Variants in GNB1 observed in about 807,000 individuals in gnomAD.
GNB1 encodes guanine nucleotide-binding protein G(I)/G(S)/G(T) subunit beta-1.
Under a neutral mutation model 42.9 loss-of-function variants are expected in GNB1, and 2 were observed. The ratio of observed to expected loss-of-function variants is 0.05; its 90% CI spans 0.02 to 0.15. The LOEUF (loss-of-function observed/expected upper bound fraction) is 0.15, where lower values mean the gene tolerates loss of function less well. Ranked by LOEUF, GNB1 falls within the 10% of genes least tolerant of loss-of-function variation. The pLI, the probability that GNB1 is intolerant of heterozygous loss-of-function variation, is 1.00. For missense variants in GNB1, 193 were observed against 462.2 expected, an observed-to-expected ratio of 0.42 and a Z score of 5.34; for synonymous variants, 183 against 174.7, an observed-to-expected ratio of 1.05 and a Z score of -0.38.
At position 1,787,259 on chromosome 1, in the gene GNB1, A is replaced by C. The variant is rs1646418821; in HGVS notation, c.*9+63T>G. 1.2e-6 allele frequency: 1 copy of C among 836,322 alleles called. No homozygotes were observed. Among genetic ancestry groups the C allele is most frequent in the Non-Finnish European group, 2.0e-6 (1 of 497,618 alleles). The allele number at this position is 836,322 out of a possible 1,614,324, so 51.8% of individuals were successfully genotyped here. ...TCTAGAAACCGTTAATGACAACTTC[A>C]AATGTTCTATGAGAAACACGCACAG... is the stretch of plus-strand genomic sequence containing the variant. On this transcript the variant is annotated intron_variant, in intron 11 of 11. Coordinates refer to ENST00000378609, the MANE Select transcript of GNB1 (RefSeq NM_002074.5). This position sits in a 1 kb window ranked among gnomAD's most constrained non-coding sequence, Gnocchi z 4.4.
At position 1,891,023 on chromosome 1, in the gene GNB1, G is replaced by GCCGCCGCCGCCT. The variant is rs1255145323; in HGVS notation, c.-311_-300dup. The GCCGCCGCCGCCT allele has an allele frequency of 6.5e-6, 1 of 153,852 alleles. No individual in the cohort carries two copies. Among genetic ancestry groups the GCCGCCGCCGCCT allele is most frequent in the Non-Finnish European group, 1.4e-5 (1 of 70,484 alleles). 9.5% of individuals were successfully genotyped at this position (153,852 alleles called of 1,614,324 possible). A position where few individuals can be genotyped will look rare whatever the true frequency, so the allele number is the denominator to read the frequency against. On this transcript the variant is annotated 5_prime_UTR_variant, in exon 1 of 12. Coordinates refer to ENST00000378609, the MANE Select transcript of GNB1 (RefSeq NM_002074.5). ...GCCGCCCGCTCCCGCTCCCGCCGCC[G>GCCGCCGCCGCCT]CCGCCGCCGCCTCCGTCCGCCCCTC... is the stretch of plus-strand genomic sequence containing the variant.
chr1:1,828,795 A>C (rs1647033732), intron 2 of GNB1, among the ~76,000 whole-genome samples: 1 of 152,060 alleles, frequency 6.6e-6, no homozygotes, highest in South Asian at 2.1e-4. Context: ...TAATCCCAAC[A>C]CTTTAGGAGG....
intron 5 of GNB1, among the ~76,000 whole-genome samples, chr1:1,813,648 A>C (rs1023111843): frequency 2.6e-5 from 4 of 151,682 alleles, no homozygotes; most frequent in Admixed American, 1.3e-4. Flanking sequence ...GCACCACAAC[A>C]ACCAACTTAT....
chr1:1,812,721 C>G lies in GNB1; in HGVS notation c.203+3035G>C, dbSNP rs146408974. Among the ~76,000 whole-genome samples, 1,272 of 152,282 alleles carry G rather than the reference C, an allele frequency of 8.4e-3. 9 individuals carry two copies. The highest frequency in any genetic ancestry group is 0.013 in the Admixed American group (193 of 15,290). On this transcript the variant is annotated intron_variant, in intron 5 of 11. Transcript: ENST00000378609. Reference sequence around the variant, plus strand: ...TGCACTTGGTCCTGTTTTGTCAGCCCTTGCTTTTCTTCCTTCTAATCCTGG... The same window carrying G: ...TGCACTTGGTCCTGTTTTGTCAGCCGTTGCTTTTCTTCCTTCTAATCCTGG...
intron 1 of GNB1, among the ~76,000 whole-genome samples, chr1:1,865,278 A>AAAAAAAAAC (rs1553204387): frequency 1.5e-3 from 195 of 127,396 alleles, no homozygotes; most frequent in Non-Finnish European, 2.1e-3. Context: ...CAAAAAAAAA[A>AAAAAAAAAC]CAAAAAAAAA....
intron 1 of GNB1, among the ~76,000 whole-genome samples, chr1:1,841,096 T>C (rs940499231): frequency 7.9e-5 from 12 of 152,144 alleles, no homozygotes; most frequent in Admixed American, 7.9e-4. Context: ...TTCACCATAT[T>C]GGTCAGTATG....
chr1:1,840,258 G>A (rs1388007226), intron 1 of GNB1, among the ~76,000 whole-genome samples: 5 of 150,916 alleles, frequency 3.3e-5, no homozygotes, highest in Non-Finnish European at 7.4e-5. Flanking sequence ...GCTAGGTACC[G>A]TGGCTCCTGC....
At position 1,793,135 on chromosome 1, in the gene GNB1, A is replaced by G. The variant is rs1212535296; in HGVS notation, c.497+110T>C. ...TTTAAATCTTAAGGCCACTTAAATT[A>G]CAGATGGCCTAATATTATGTCAAGA... is the stretch of plus-strand genomic sequence containing the variant. On this transcript the variant is annotated intron_variant, in intron 8 of 11. Coordinates refer to ENST00000378609, the MANE Select transcript of GNB1 (RefSeq NM_002074.5). The G allele has an allele frequency of 5.2e-6, 3 of 582,176 alleles. No homozygotes were observed. In the East Asian group the frequency reaches 8.6e-5, roughly 17 times the overall value. The allele number at this position is 582,176 out of a possible 1,614,324, so 36.1% of individuals were successfully genotyped here.
intron 1 of GNB1, among the ~76,000 whole-genome samples, chr1:1,869,077 C>A (rs1224716758): frequency 7.0e-6 from 1 of 143,028 alleles, no homozygotes; most frequent in African/African-American, 2.6e-5. Context: ...TCCCAGCTAC[C>A]TGGGAGGCTG....
intron 9 of GNB1, among the ~76,000 whole-genome samples, chr1:1,789,924 G>C (rs1646459954): frequency 6.6e-6 from 1 of 152,190 alleles, no homozygotes; most frequent in South Asian, 2.1e-4. Flanking sequence ...GAGGAAGGAG[G>C]GAAGCGGGCT....
chr1:1,881,456 C>T (rs892667552), intron 1 of GNB1, among the ~76,000 whole-genome samples: 3 of 151,894 alleles, frequency 2.0e-5, no homozygotes, highest in Non-Finnish European at 4.4e-5. Flanking sequence ...CACTGTCACC[C>T]AGGCTAGGGT....
Position 1,890,930 on chromosome 1 carries a change from G to T in GNB1, c.-206C>A, listed in dbSNP as rs1650475282. ...CGCTCCGCGGGCGCTGCGGGCAGGT[G>T]CGCGCCGGCGAGGCTCGGTCCAGTC... On this transcript the variant is annotated 5_prime_UTR_variant, in exon 1 of 12. Transcript: ENST00000378609. 1 of 147,176 alleles carries T rather than the reference G, an allele frequency of 6.8e-6. No homozygotes were observed. The highest frequency in any genetic ancestry group is 2.5e-5 in the African/African-American group (1 of 40,804). The allele number at this position is 147,176 out of a possible 1,614,324, so 9.1% of individuals were successfully genotyped here. A position where few individuals can be genotyped will look rare whatever the true frequency, so the allele number is the denominator to read the frequency against.
Position 1,815,809 on chromosome 1 carries a change from T to C in GNB1, c.150A>G (p.Thr50=). 6.2e-7 allele frequency: 1 copy of C among 1,611,546 alleles called. No homozygotes were observed. The highest frequency in any genetic ancestry group is 8.5e-7 in the Non-Finnish European group (1 of 1,177,822). Residue 50 remains threonine, a synonymous_variant, in exon 5 of 12, where the codon ACA becomes ACG. Coordinates refer to ENST00000378609, the MANE Select transcript of GNB1 (RefSeq NM_002074.5). The part of the protein sequence containing the change: ...VGRIQMRTRR[T]LRGHLAKIYA... Reference sequence around the variant, plus strand: ...AGATCTTGGCCAGGTGCCCCCGCAGTGTCCTCCTCGTGCGCATTTGGATTC... The same window carrying C: ...AGATCTTGGCCAGGTGCCCCCGCAGCGTCCTCCTCGTGCGCATTTGGATTC...
At chr1:1,850,182 G>C (rs1236938813) in intron 1 of GNB1, among the ~76,000 whole-genome samples, 1 of 151,694 alleles carries the variant, frequency 6.6e-6, no homozygotes, top group Non-Finnish European at 1.5e-5. Flanking sequence ...CCAGGCTGGA[G>C]TGCAATGGCG....
At chr1:1,845,912 C>A (rs1320813160) in intron 1 of GNB1, among the ~76,000 whole-genome samples, 1 of 151,360 alleles carries the variant, frequency 6.6e-6, no homozygotes, top group Admixed American at 6.6e-5. Context: ...GGTCTGGAAG[C>A]AACGACCTCT....
chr1:1,812,797 C>T (rs1490061211), intron 5 of GNB1, among the ~76,000 whole-genome samples: 1 of 152,018 alleles, frequency 6.6e-6, no homozygotes, highest in Admixed American at 6.6e-5. Flanking sequence ...TAAAGCCTCC[C>T]ATGCAAGGAT....
intron 1 of GNB1, among the ~76,000 whole-genome samples, chr1:1,879,132 A>G (rs757658911): frequency 6.6e-6 from 1 of 152,144 alleles, no homozygotes; most frequent in African/African-American, 2.4e-5. Context: ...AGTACTGCAC[A>G]TGGGGGCAGG....
chr1:1,823,755 T>C (rs1646962650), intron 3 of GNB1, among the ~76,000 whole-genome samples: 2 of 152,232 alleles, frequency 1.3e-5, no homozygotes, highest in Non-Finnish European at 2.9e-5. Flanking sequence ...TATGTTGGTG[T>C]TTCTCTCTCC....
rs1646411383 is a variant in GNB1 at position 1,786,678 on chromosome 1, A to G, written c.*385T>C. The G allele has an allele frequency of 6.6e-6, 1 of 152,278 alleles. No homozygotes were observed. The highest frequency in any genetic ancestry group is 1.5e-5 in the Non-Finnish European group (1 of 68,074). 9.4% of individuals were successfully genotyped at this position (152,278 alleles called of 1,614,324 possible). A position where few individuals can be genotyped will look rare whatever the true frequency, so the allele number is the denominator to read the frequency against. The stretch of plus-strand genomic sequence containing the variant: ...CAGCATGTTTTGCATGAATGCCACA[A>G]AACAGGGTCACTGGTCTAAAATTCA... On this transcript the variant is annotated 3_prime_UTR_variant, in exon 12 of 12. Coordinates refer to ENST00000378609, the MANE Select transcript of GNB1 (RefSeq NM_002074.5).
Sources: allele counts gnomAD v4.1 joint callset (sites outside exome capture counted in the v4.1 genomes callset), GRCh38; gene constraint gnomAD v4.1.1; non-coding constraint Gnocchi (gnomAD v3.1); transcripts MANE v1.5; gene names NCBI Gene and HGNC (gene_info 2026-07-23, HGNC 2026-07-21).